ZDHHC18: variants seen among roughly 807,000 people sequenced by gnomAD.
The protein encoded by ZDHHC18 is zDHHC palmitoyltransferase 18, also known as palmitoyltransferase ZDHHC18.
A neutral mutation model predicts 37.5 loss-of-function variants in ZDHHC18; 23 were observed. The observed-to-expected ratio is 0.61, with a 90% CI of 0.44 to 0.87. The LOEUF (loss-of-function observed/expected upper bound fraction) is 0.87, where lower values mean the gene tolerates loss of function less well. Ranked by LOEUF, ZDHHC18 falls within the 40% of genes least tolerant of loss-of-function variation. The pLI, the probability that ZDHHC18 is intolerant of heterozygous loss-of-function variation, is 0.00. For synonymous variants in ZDHHC18, 185 were observed against 218.7 expected, an observed-to-expected ratio of 0.85 and a Z score of 1.36; for missense variants, 406 against 525.6, an observed-to-expected ratio of 0.77 and a Z score of 2.22.
In ZDHHC18 at chr1:26,856,003, A is replaced by G; in HGVS notation, c.*2160A>G. The G allele has an allele frequency of 3.1e-6, 1 of 320,126 alleles. No individual in the cohort carries two copies. Among genetic ancestry groups the G allele is most frequent in the Non-Finnish European group, 6.7e-6 (1 of 150,062 alleles). The allele number at this position is 320,126 out of a possible 1,614,324, so 19.8% of individuals were successfully genotyped here. A position where few individuals can be genotyped will look rare whatever the true frequency, so the allele number is the denominator to read the frequency against. On this transcript the variant is annotated 3_prime_UTR_variant, in exon 8 of 8. Coordinates refer to ENST00000374142, the MANE Select transcript of ZDHHC18 (RefSeq NM_032283.3). This position sits in a 1 kb window ranked among gnomAD's most constrained non-coding sequence, Gnocchi z 5.2. ...TGCCTCAGGGGCTTGGAGACCCCCA[A>G]ATTCTTCTTCCCTACTGCCTTTCCA... is the stretch of plus-strand genomic sequence containing the variant.
At chr1:26,836,205 T>TA (rs1158055359) in intron 2 of ZDHHC18, among the ~76,000 whole-genome samples, 2 of 152,128 alleles carry the variant, frequency 1.3e-5, no homozygotes, top group African/African-American at 4.8e-5. Flanking sequence ...TAGACCCTGT[T>TA]ACAGTTCACA....
At chr1:26,836,564 CTTTTTTTCTTTTTTTTTT>C (rs2081612726) in intron 2 of ZDHHC18, among the ~76,000 whole-genome samples, 2 of 146,892 alleles carry the variant, frequency 1.4e-5, no homozygotes, top group Admixed American at 1.4e-4. Context: ...CTTTTTTTTT[CTTTTTTTCTTTTTTTTTT>C]TTTTGAGACG....
chr1:26,846,962 C>T (rs950854252), intron 2 of ZDHHC18, among the ~76,000 whole-genome samples: 14 of 151,592 alleles, frequency 9.2e-5, no homozygotes, highest in Non-Finnish European at 1.6e-4. Context: ...GTGGCATGAT[C>T]TCGGCTCACT....
intron 2 of ZDHHC18, among the ~76,000 whole-genome samples, chr1:26,836,923 G>GTATAATATATA (rs2081614650): frequency 6.9e-6 from 1 of 145,744 alleles, no homozygotes; most frequent in African/African-American, 2.5e-5. Flanking sequence ...AAATATATAT[G>GTATAATATATA]TATAATATAT....
Position 26,850,651 on chromosome 1 carries a change from C to T in ZDHHC18, c.833+45C>T. 1 of 1,609,156 alleles carries T rather than the reference C, an allele frequency of 6.2e-7. No individual in the cohort carries two copies. Among genetic ancestry groups the T allele is most frequent in the Non-Finnish European group, 8.5e-7 (1 of 1,176,462 alleles). ...GGACACTCCAGTGGGAACTGAGGTC[C>T]CTTCACTGGGTGGGTGCCCTGCCTC... On this transcript the variant is annotated intron_variant, in intron 5 of 7. Transcript: ENST00000374142. The surrounding 1 kb of genome is among the most constrained non-coding windows in gnomAD (Gnocchi z 6.1).
intron 2 of ZDHHC18, among the ~76,000 whole-genome samples, chr1:26,842,040 C>T (rs1334574319): frequency 6.6e-6 from 1 of 150,938 alleles, no homozygotes; most frequent in East Asian, 2.0e-4. Context: ...GAGGCTGAGG[C>T]AGAGAATTGC....
At chr1:26,837,421 T>C (rs1006778463) in intron 2 of ZDHHC18, among the ~76,000 whole-genome samples, 1 of 147,946 alleles carries the variant, frequency 6.8e-6, no homozygotes, top group Non-Finnish European at 1.5e-5. Flanking sequence ...ATATATTTAA[T>C]ATGTATAATA....
At chr1:26,831,396 C>T (rs2081588355) in intron 1 of ZDHHC18, among the ~76,000 whole-genome samples, 1 of 152,114 alleles carries the variant, frequency 6.6e-6, no homozygotes, top group Non-Finnish European at 1.5e-5. Flanking sequence ...GCCTAGAAGG[C>T]CATGGTAGGG....
At chr1:26,835,161 G>A (rs987385612) in intron 2 of ZDHHC18, among the ~76,000 whole-genome samples, 5 of 152,200 alleles carry the variant, frequency 3.3e-5, no homozygotes, top group Non-Finnish European at 7.3e-5. Flanking sequence ...GGATGGGAAC[G>A]GGCCACTGAG....
chr1:26,845,039 C>G (rs1444012526), intron 2 of ZDHHC18, among the ~76,000 whole-genome samples: 3 of 151,548 alleles, frequency 2.0e-5, no homozygotes, highest in Non-Finnish European at 4.4e-5. Flanking sequence ...TCCTGCCTCA[C>G]CCTCCCAAGT....
intron 2 of ZDHHC18, among the ~76,000 whole-genome samples, chr1:26,843,581 G>A (rs1429839800): frequency 6.7e-6 from 1 of 149,748 alleles, no homozygotes; most frequent in East Asian, 2.1e-4. Flanking sequence ...TTCAGATCAG[G>A]AGTTCGAGAC....
chr1:26,852,917 A>G (rs1466523419), intron 7 of ZDHHC18, 52 bp downstream of exon 7: 11 of 1,562,526 alleles, frequency 7.0e-6, no homozygotes, highest in Non-Finnish European at 8.8e-6. Flanking sequence ...CTGGCCAGTG[A>G]TCAAAGTGTT....
In ZDHHC18 at chr1:26,850,362, C is replaced by G; in HGVS notation, c.708C>G (p.Phe236Leu). 1 of 1,614,246 alleles carries G rather than the reference C, an allele frequency of 6.2e-7. No homozygotes were observed. The highest frequency in any genetic ancestry group is 1.1e-5 in the South Asian group (1 of 91,092). Reference sequence around the variant, plus strand: ...GTGTGGGGAGACGGAACTATCGCTTCTTCTACGCGTTTATTCTCTCCCTCT... The same window carrying G: ...GTGTGGGGAGACGGAACTATCGCTTGTTCTACGCGTTTATTCTCTCCCTCT... The part of the protein sequence containing the change: ...GNCVGRRNYR[F>L]FYAFILSLSF... The change falls in exon 4 of 8, where the codon TTC becomes TTG. Residue 236 changes from phenylalanine to leucine, a missense_variant. By Grantham distance (22) the Phe-to-Leu change is conservative. Transcript: ENST00000374142. This position sits in a 1 kb window ranked among gnomAD's most constrained non-coding sequence, Gnocchi z 6.1.
rs947157396 is a variant in ZDHHC18 at position 26,850,806 on chromosome 1, T to C, written c.833+200T>C. ...GCATTGTGGGGCCGGGGGTTCCTCGTCTTCAGGGGCCTGGAAAAGAGTATG... is the reference window on the plus strand; with the variant it reads ...GCATTGTGGGGCCGGGGGTTCCTCGCCTTCAGGGGCCTGGAAAAGAGTATG... On this transcript the variant is annotated intron_variant, in intron 5 of 7. Transcript: ENST00000374142. The surrounding 1 kb of genome is among the most constrained non-coding windows in gnomAD (Gnocchi z 6.1). Among the ~76,000 whole-genome samples the C allele has an allele frequency of 6.6e-6, 1 of 152,130 alleles. No individual in the cohort carries two copies.
At chr1:26,844,328 T>C (rs1387057444) in intron 2 of ZDHHC18, among the ~76,000 whole-genome samples, 1 of 152,224 alleles carries the variant, frequency 6.6e-6, no homozygotes, top group African/African-American at 2.4e-5. Context: ...TGTAAGCCAC[T>C]GCACCCGGCC....
chr1:26,836,389 T>C (rs2081611478), intron 2 of ZDHHC18, among the ~76,000 whole-genome samples: 2 of 151,918 alleles, frequency 1.3e-5, no homozygotes, highest in Admixed American at 1.3e-4. Context: ...TTCCCTTCAA[T>C]TGTAGTTATC....
At position 26,848,770 on chromosome 1, in the gene ZDHHC18, C is replaced by T; in HGVS notation, c.646+13C>T. On this transcript the variant is annotated intron_variant, in intron 3 of 7. Coordinates refer to ENST00000374142, the MANE Select transcript of ZDHHC18 (RefSeq NM_032283.3). ...GACAACTGTGTGGGTGAGTAGGAGG[C>T]AGCAGGGAGGGATGCAGGGATTCCT... 1.9e-6 allele frequency: 3 copies of T among 1,603,878 alleles called. No individual in the cohort carries two copies. The highest frequency in any genetic ancestry group is 2.6e-6 in the Non-Finnish European group (3 of 1,171,404).
In ZDHHC18 at chr1:26,854,029, G is replaced by T. The variant is rs2081720980; in HGVS notation, c.*186G>T. 4 of 615,282 alleles carry T rather than the reference G, an allele frequency of 6.5e-6. No individual in the cohort carries two copies. Among genetic ancestry groups the T allele is most frequent in the Non-Finnish European group, 1.1e-5 (4 of 350,150 alleles). 38.1% of individuals were successfully genotyped at this position (615,282 alleles called of 1,614,324 possible). A position where few individuals can be genotyped will look rare whatever the true frequency, so the allele number is the denominator to read the frequency against. ...TGTGCCCTCTGCTCCCCAAACCCAG[G>T]TTCCCACAGCCTTGGGCCCTAGGTA... is the stretch of plus-strand genomic sequence containing the variant. On this transcript the variant is annotated 3_prime_UTR_variant, in exon 8 of 8. Transcript: ENST00000374142. This position sits in a 1 kb window ranked among gnomAD's most constrained non-coding sequence, Gnocchi z 4.6.
rs750634453 is a variant in ZDHHC18, at chr1:26,853,743, G to T, written c.1067G>T (p.Gly356Val). Residue 356 changes from glycine to valine, a missense_variant, in exon 8 of 8, where the codon GGA becomes GTA. Coordinates refer to ENST00000374142, the MANE Select transcript of ZDHHC18 (RefSeq NM_032283.3). The part of the protein sequence containing the change: ...PLPPSLIDRR[G>V]FVQSDTVLPS... ...TTTGGAAGCCTAATTGACCGGAGGGGATTTGTGCAGTCCGACACCGTGTTG... is the reference window on the plus strand; with the variant it reads ...TTTGGAAGCCTAATTGACCGGAGGGTATTTGTGCAGTCCGACACCGTGTTG... The T allele has an allele frequency of 1.2e-6, 2 of 1,614,080 alleles. No homozygotes were observed. The highest frequency in any genetic ancestry group is 1.7e-6 in the Non-Finnish European group (2 of 1,180,026).
Sources: allele counts gnomAD v4.1 joint callset (sites outside exome capture counted in the v4.1 genomes callset), GRCh38; gene constraint gnomAD v4.1.1; non-coding constraint Gnocchi (gnomAD v3.1); transcripts MANE v1.5; gene names NCBI Gene and HGNC (gene_info 2026-07-23, HGNC 2026-07-21).